Variants in NCBP3 observed in about 807,000 individuals in gnomAD.
NCBP3 encodes nuclear cap-binding protein subunit 3.
In NCBP3, 20 loss-of-function variants were observed where a neutral mutation model predicts 75.7. The ratio of observed to expected loss-of-function variants is 0.26; its 90% CI spans 0.19 to 0.38. The LOEUF (loss-of-function observed/expected upper bound fraction) is 0.38, where lower values mean the gene tolerates loss of function less well. Ranked by LOEUF, NCBP3 falls within the 10% of genes least tolerant of loss-of-function variation. NCBP3 has a pLI of 1.00. For synonymous variants in NCBP3, 293 were observed against 290.5 expected, an observed-to-expected ratio of 1.01 and a Z score of -0.09; for missense variants, 678 against 796.9, an observed-to-expected ratio of 0.85 and a Z score of 1.80.
At position 3,824,955 on chromosome 17, in the gene NCBP3, T is replaced by C. The variant is rs998394939; in HGVS notation, c.783A>G (p.Arg261=). ...KLAKGNRLFM[R]FATKDDKKEL... ...TATTACATTTACCTTTTGTAGCAAA[T>C]CTCATGAATAACCTATTTCCTTTAG... Residue 261 remains arginine, a synonymous_variant, in exon 7 of 13, where the codon AGA becomes AGG. Coordinates refer to ENST00000389005, the MANE Select transcript of NCBP3 (RefSeq NM_001114118.3). 3.9e-6 allele frequency: 6 copies of C among 1,525,880 alleles called. No individual in the cohort carries two copies. In the African/African-American group the frequency reaches 8.3e-5, roughly 21 times the overall value. The allele number at this position is 1,525,880 out of a possible 1,614,324, so 94.5% of individuals were successfully genotyped here. A position where few individuals can be genotyped will look rare whatever the true frequency, so the allele number is the denominator to read the frequency against.
intron 3 of NCBP3, among the ~76,000 whole-genome samples, chr17:3,837,603 A>AGG (rs1195508242): frequency 5.3e-5 from 8 of 150,794 alleles, no homozygotes; most frequent in Non-Finnish European, 8.9e-5. Flanking sequence ...GTGTGGTGGC[A>AGG]TGCACCTGTA....
Position 3,818,694 on chromosome 17 carries a change from A to T in NCBP3, c.1001-122T>A. 9.1e-7 allele frequency: 1 copy of T among 1,099,276 alleles called. No homozygotes were observed. The allele number at this position is 1,099,276 out of a possible 1,614,324, so 68.1% of individuals were successfully genotyped here. ...CCCATCCCTGACATTTTATTGGAGC[A>T]CTATCTATAATAGTGCCAAATGGAC... On this transcript the variant is annotated intron_variant, in intron 9 of 12. Coordinates refer to ENST00000389005, the MANE Select transcript of NCBP3 (RefSeq NM_001114118.3). This position sits in a 1 kb window ranked among gnomAD's most constrained non-coding sequence, Gnocchi z 4.7.
chr17:3,823,383 C>T (rs962971652), intron 7 of NCBP3, among the ~76,000 whole-genome samples: 1 of 151,994 alleles, frequency 6.6e-6, no homozygotes, highest in Non-Finnish European at 1.5e-5. Context: ...ATACTGATAT[C>T]CATGGATGAT....
chr17:3,840,009 A>G (rs2054036704), intron 3 of NCBP3, 91 bp downstream of exon 3: 3 of 954,876 alleles, frequency 3.1e-6, no homozygotes, highest in Non-Finnish European at 4.9e-6. Context: ...AGGAGTGGAC[A>G]CGCAAGGCAA....
At chr17:3,827,742 C>T (rs2053813157) in intron 4 of NCBP3, among the ~76,000 whole-genome samples, 1 of 151,952 alleles carries the variant, frequency 6.6e-6, no homozygotes, top group Admixed American at 6.6e-5. Flanking sequence ...TCTGAGAGTC[C>T]CTCCAATTCT....
At chr17:3,844,467 T>G (rs1382683036) in intron 1 of NCBP3, among the ~76,000 whole-genome samples, 2 of 152,206 alleles carry the variant, frequency 1.3e-5, no homozygotes, top group Admixed American at 1.3e-4. Flanking sequence ...TTTTGTCATT[T>G]AGAGTTTATA....
At chr17:3,845,271 T>C (rs1020754016) in intron 1 of NCBP3, among the ~76,000 whole-genome samples, 8 of 152,196 alleles carry the variant, frequency 5.3e-5, no homozygotes, top group Non-Finnish European at 8.8e-5. Context: ...TCAGTCTAAA[T>C]ATGTTGACAT....
chr17:3,840,230 G>C (rs1342642065), intron 2 of NCBP3, 25 bp from the exon 3 acceptor site: 1 of 1,539,188 alleles, frequency 6.5e-7, no homozygotes, highest in Admixed American at 2.0e-5. Flanking sequence ...AAAAGTGAAA[G>C]TAGTAAAATA....
At chr17:3,841,254 T>C (rs1008560962) in intron 2 of NCBP3, among the ~76,000 whole-genome samples, 18 of 152,164 alleles carry the variant, frequency 1.2e-4, no homozygotes, top group Non-Finnish European at 2.6e-4. Flanking sequence ...GGATTACAGA[T>C]GTGAGCCACC....
chr17:3,820,476 C>A (rs919089030), intron 9 of NCBP3, among the ~76,000 whole-genome samples: 2 of 152,022 alleles, frequency 1.3e-5, no homozygotes, highest in Non-Finnish European at 1.5e-5. Context: ...GGTTCTTTTA[C>A]AATAAGCACC....
chr17:3,816,773 C>A (rs930725273), intron 10 of NCBP3, among the ~76,000 whole-genome samples: 6 of 152,258 alleles, frequency 3.9e-5, no homozygotes, highest in Non-Finnish European at 7.3e-5. Context: ...CAGGCTCATG[C>A]CTGTAATCCC....
In NCBP3 at chr17:3,821,290, C is replaced by G. The variant is rs769777016; in HGVS notation, c.959G>C (p.Gly320Ala). 8 of 1,614,088 alleles carry G rather than the reference C, an allele frequency of 5.0e-6. No individual in the cohort carries two copies. In the South Asian group the frequency reaches 7.7e-5, roughly 16 times the overall value. The change falls in exon 9 of 13, where the codon GGG (glycine) becomes GCG (alanine). Residue 320 changes from glycine (G) to alanine (A), a missense_variant. Physicochemically the swap from Gly to Ala is moderately conservative, Grantham distance 60. Coordinates refer to ENST00000389005, the MANE Select transcript of NCBP3 (RefSeq NM_001114118.3). Reference protein sequence around the residue: ...RDVIKKRALIGDDVGLTSYKH... With the variant: ...RDVIKKRALIADDVGLTSYKH... ...ATACGACGTCAAGCCAACGTCATCC[C>G]CAATCAGGGCTCTCTTCTTGATCAC...
chr17:3,814,603 A>G lies in NCBP3; in HGVS notation c.1466-120T>C, dbSNP rs943172370. 9.8e-6 allele frequency: 9 copies of G among 916,234 alleles called. No homozygotes were observed. The African/African-American group carries it at 1.0e-4, about 10-fold the overall frequency. The allele number at this position is 916,234 out of a possible 1,614,324, so 56.8% of individuals were successfully genotyped here. ...TGCCCCGAGGACACAGGGCCTGACA[A>G]TCAGGCTGCTAAGTATTCTTCCTTT... On this transcript the variant is annotated intron_variant, in intron 11 of 12. Coordinates refer to ENST00000389005, the MANE Select transcript of NCBP3 (RefSeq NM_001114118.3).
chr17:3,814,422 G>A lies in NCBP3; in HGVS notation c.1527C>T (p.Pro509=), dbSNP rs147672066. 347 of 1,614,058 alleles carry A rather than the reference G, an allele frequency of 2.1e-4. 1 individual carries two copies. The highest frequency in any genetic ancestry group is 6.0e-5 in the Non-Finnish European group (71 of 1,180,034). The part of the protein sequence containing the change: ...HSPEKAFSSN[P]VVRREPSSDV... ...CAGAAGAGGGCTCTCTCCGAACGAC[G>A]GGGTTACTACTAAAAGCCTTTTCCG... is the stretch of plus-strand genomic sequence containing the variant. The change falls in exon 12 of 13, where the codon CCC becomes CCT. Residue 509 remains proline, a synonymous_variant. Coordinates refer to ENST00000389005, the MANE Select transcript of NCBP3 (RefSeq NM_001114118.3).
intron 1 of NCBP3, among the ~76,000 whole-genome samples, chr17:3,843,956 T>A (rs752949224): frequency 6.6e-6 from 1 of 152,118 alleles, no homozygotes; most frequent in Admixed American, 6.6e-5. Context: ...ACCACTCCAA[T>A]AAGAAGATCA....
rs773440878 is a variant in NCBP3 at position 3,818,578 on chromosome 17, G to A, written c.1001-6C>T. 3.1e-6 allele frequency: 5 copies of A among 1,590,606 alleles called. No homozygotes were observed. Among genetic ancestry groups the A allele is most frequent in the Non-Finnish European group, 4.3e-6 (5 of 1,172,504 alleles). On this transcript the variant is annotated splice_region_variant and splice_polypyrimidine_tract_variant and intron_variant, in intron 9 of 12. Transcript: ENST00000389005. This position sits in a 1 kb window ranked among gnomAD's most constrained non-coding sequence, Gnocchi z 4.7. ...CTCGGGAACATTCACTAGCCCTGAA[G>A]AAATTTAACCAGAAAACATTAGGAA...
chr17:3,830,044 A>G (rs2053850571), intron 3 of NCBP3, among the ~76,000 whole-genome samples: 1 of 152,168 alleles, frequency 6.6e-6, no homozygotes, highest in African/African-American at 2.4e-5. Context: ...GAATCGAGAT[A>G]TCTTACATCT....
In NCBP3 at chr17:3,807,312, T is replaced by C. The variant is rs567481850; in HGVS notation, c.*5732A>G. ...AAATATTTTGGACCATCTGCATGAT[T>C]CCCTAGCAAATGCTTTAGAGAGCTG... On this transcript the variant is annotated 3_prime_UTR_variant, in exon 13 of 13. Transcript: ENST00000389005. The C allele has an allele frequency of 1.6e-4, 25 of 152,358 alleles. No individual in the cohort carries two copies. Among genetic ancestry groups the C allele is most frequent in the African/African-American group, 6.0e-4 (25 of 41,586 alleles). 9.4% of individuals were successfully genotyped at this position (152,358 alleles called of 1,614,324 possible). A position where few individuals can be genotyped will look rare whatever the true frequency, so the allele number is the denominator to read the frequency against.
chr17:3,843,956 TAAG>T (rs1329044811), intron 1 of NCBP3, among the ~76,000 whole-genome samples: 6 of 152,118 alleles, frequency 3.9e-5, no homozygotes, highest in African/African-American at 4.8e-5. Flanking sequence ...ACCACTCCAA[TAAG>T]AAGATCAGAG....
Sources: allele counts gnomAD v4.1 joint callset (sites outside exome capture counted in the v4.1 genomes callset), GRCh38; gene constraint gnomAD v4.1.1; non-coding constraint Gnocchi (gnomAD v3.1); transcripts MANE v1.5; gene names NCBI Gene and HGNC (gene_info 2026-07-23, HGNC 2026-07-21).